Variants in AZIN2 observed in about 807,000 individuals in gnomAD.
The protein encoded by AZIN2 is antizyme inhibitor 2.
A neutral mutation model predicts 47.8 loss-of-function variants in AZIN2; 28 were observed. The ratio of observed to expected loss-of-function variants is 0.59; its 90% CI spans 0.43 to 0.80. The LOEUF is 0.80. AZIN2 is among the 30% of genes least tolerant of loss of function. The pLI is 0.00. For missense variants in AZIN2, 535 were observed against 582.5 expected (o/e 0.92, Z 0.84); for synonymous variants, 221 against 239.4 (o/e 0.92, Z 0.71).
chr1:33,092,104 G>A lies in AZIN2; in HGVS notation c.334G>A (p.Ala112Thr), dbSNP rs376695237. ...AATCCCTGCCAGTAAGATCATCTGC[G>A]CCAACCCCTGTAAGCAAATTGCACA... is the stretch of plus-strand genomic sequence containing the variant. ...IGIPASKIIC[A>T]NPCKQIAQIK... The change falls in exon 6 of 12, where the codon GCC becomes ACC. Residue 112 changes from alanine (A) to threonine (T), a missense_variant. Transcript: ENST00000294517. The A allele has an allele frequency of 5.1e-5, 82 of 1,614,032 alleles. No individual in the cohort carries two copies. Among genetic ancestry groups the A allele is most frequent in the Non-Finnish European group, 6.6e-5 (78 of 1,180,036 alleles).
At chr1:33,092,300 G>A in intron 6 of AZIN2, 78 bp downstream of exon 6, 1 of 1,479,444 alleles carries the variant, frequency 6.8e-7, no homozygotes, top group African/African-American at 1.5e-5. Context: ...TGGGGAGGCT[G>A]GGCTGTGGGG....
rs951525792 is a variant in AZIN2 at position 33,121,391 on chromosome 1, C to T, written c.*1209C>T. Among the ~76,000 whole-genome samples the T allele has an allele frequency of 3.9e-5, 6 of 152,064 alleles. No homozygotes were observed. Among genetic ancestry groups the T allele is most frequent in the East Asian group, 1.9e-4 (1 of 5,186 alleles). Reference sequence around the variant, plus strand: ...CAGCCTGGCCAACATGGCAAAACCCCGTCTCTACTAAAAATACAAAAATTA... The same window carrying T: ...CAGCCTGGCCAACATGGCAAAACCCTGTCTCTACTAAAAATACAAAAATTA... On this transcript the variant is annotated 3_prime_UTR_variant, in exon 12 of 12. Coordinates refer to ENST00000294517, the MANE Select transcript of AZIN2 (RefSeq NM_052998.4).
chr1:33,147,560 C>T, the AZIN2 span: 2 of 1,614,110 alleles, frequency 1.2e-6, no homozygotes, highest in Non-Finnish European at 8.5e-7. The surrounding 1 kb of genome is among the most constrained non-coding windows in gnomAD (Gnocchi z 8.1). Flanking sequence ...TAGTGGACGC[C>T]ACTACTGAAG....
intron 5 of AZIN2, among the ~76,000 whole-genome samples, chr1:33,085,292 A>G (rs1215769677): frequency 6.6e-6 from 1 of 152,188 alleles, no homozygotes; most frequent in East Asian, 1.9e-4. Context: ...AAAATGCTGT[A>G]GAGAGAAAGC....
chr1:33,162,365 A>G, the AZIN2 span, among the ~76,000 whole-genome samples: 1 of 152,226 alleles, frequency 6.6e-6, no homozygotes, highest in Admixed American at 6.5e-5. Context: ...CCTAGCTTGA[A>G]AGTGACCTCT....
chr1:33,097,308 C>T (rs1200413741), intron 9 of AZIN2, among the ~76,000 whole-genome samples: 1 of 152,114 alleles, frequency 6.6e-6, no homozygotes, highest in Non-Finnish European at 1.5e-5. Flanking sequence ...TGTTTGAGTC[C>T]ACTTTACAGA....
chr1:33,085,634 C>T (rs1641804077), intron 5 of AZIN2, among the ~76,000 whole-genome samples: 1 of 152,004 alleles, frequency 6.6e-6, no homozygotes, highest in African/African-American at 2.4e-5. Context: ...TGGAGCGACT[C>T]CAGGTTGGGG....
chr1:33,087,222 C>T (rs1362588199), intron 5 of AZIN2, among the ~76,000 whole-genome samples: 7 of 151,940 alleles, frequency 4.6e-5, no homozygotes, highest in Non-Finnish European at 2.9e-5. Context: ...CAACCTCCAC[C>T]TCCCGGGTTC....
At chr1:33,154,920 C>T in the AZIN2 span, among the ~76,000 whole-genome samples, 14 of 151,742 alleles carry the variant, frequency 9.2e-5, no homozygotes, top group African/African-American at 1.9e-4. Flanking sequence ...GGTGAAACCC[C>T]GTCTCTACTA....
the AZIN2 span, chr1:33,145,726 C>T: frequency 2.6e-6 from 1 of 378,424 alleles, no homozygotes; most frequent in Non-Finnish European, 5.4e-6. Context: ...CCAGTTCCCA[C>T]CTCTGGGCAG....
At chr1:33,147,097 A>G in the AZIN2 span, 1 of 1,499,404 alleles carries the variant, frequency 6.7e-7, no homozygotes. The surrounding 1 kb of genome is among the most constrained non-coding windows in gnomAD (Gnocchi z 8.1). Context: ...GGTGGGCTGG[A>G]GTCCAGGTCT....
At chr1:33,092,716 C>T (rs1421980901) in intron 6 of AZIN2, among the ~76,000 whole-genome samples, 1 of 151,880 alleles carries the variant, frequency 6.6e-6, no homozygotes, top group East Asian at 1.9e-4. Context: ...CTTAGTGTGG[C>T]TGACGCATGC....
chr1:33,101,252 G>C (rs1033918513), intron 10 of AZIN2, among the ~76,000 whole-genome samples: 1 of 151,146 alleles, frequency 6.6e-6, no homozygotes, highest in South Asian at 2.1e-4. Context: ...TTGTCTAGGC[G>C]GGTTGAGAAC....
At chr1:33,165,248 A>G in the AZIN2 span, 9 of 482,478 alleles carry the variant, frequency 1.9e-5, no homozygotes, top group African/African-American at 4.0e-5. This position sits in a 1 kb window ranked among gnomAD's most constrained non-coding sequence, Gnocchi z 4.0. Context: ...GGACCAGCCC[A>G]CATCCTTGCC....
At chr1:33,090,224 C>T (rs755765564) in intron 5 of AZIN2, among the ~76,000 whole-genome samples, 4 of 152,204 alleles carry the variant, frequency 2.6e-5, no homozygotes, top group East Asian at 3.8e-4. Flanking sequence ...CTGTGTGGCT[C>T]GCAAAACCTA....
At chr1:33,157,244 C>T in the AZIN2 span, among the ~76,000 whole-genome samples, 3 of 152,148 alleles carry the variant, frequency 2.0e-5, no homozygotes. Context: ...ACTCATCTCC[C>T]TCCAGCCACG....
At chr1:33,124,863 T>A (rs930470489), downstream of AZIN2, among the ~76,000 whole-genome samples, 13 of 152,258 alleles carry the variant, frequency 8.5e-5, no homozygotes, top group African/African-American at 3.1e-4. The surrounding 1 kb of genome is among the most constrained non-coding windows in gnomAD (Gnocchi z 4.6). Flanking sequence ...TCCTTTTTTA[T>A]GGCTGCATAG....
chr1:33,091,338 C>G (rs1445667727), intron 5 of AZIN2, among the ~76,000 whole-genome samples: 2 of 152,136 alleles, frequency 1.3e-5, no homozygotes, highest in Non-Finnish European at 2.9e-5. Context: ...CTCCTGGGTT[C>G]AAGTGAGTCT....
chr1:33,147,754 G>C, the AZIN2 span: 3 of 1,595,260 alleles, frequency 1.9e-6, no homozygotes, highest in Admixed American at 1.7e-5. This position sits in a 1 kb window ranked among gnomAD's most constrained non-coding sequence, Gnocchi z 8.1. Context: ...AGGGAGAGAA[G>C]ATGAGTGGGG....
Sources: gnomAD v4.1 joint callset for allele counts (sites outside exome capture counted in the v4.1 genomes callset) on GRCh38, gnomAD v4.1.1 for gene constraint, Gnocchi (gnomAD v3.1) non-coding constraint, MANE v1.5 for transcripts, NCBI Gene and HGNC (gene_info 2026-07-23, HGNC 2026-07-21) for gene names.